The following CDH15 variants were observed in gnomAD, a reference collection of about 807,000 sequenced individuals.
CDH15 encodes cadherin-15.
CDH15 carries 73 observed loss-of-function variants against 69.4 expected under a neutral mutation model. That is an observed-to-expected ratio of 1.05 (90% CI 0.87 to 1.28). CDH15 has a LOEUF of 1.28. CDH15 is among the 50% of genes most tolerant of loss of function. The pLI is 0.00. For missense variants in CDH15, 1,343 were observed against 1,133.6 expected (o/e 1.18, Z -2.65); for synonymous variants, 624 against 507.7 (o/e 1.23, Z -3.08).
At position 89,191,858 on chromosome 16, in the gene CDH15, G is replaced by C. The variant is rs368657478; in HGVS notation, c.1579G>C (p.Glu527Gln). The change falls in exon 10 of 14, where the codon GAG becomes CAG. Residue 527 changes from glutamate to glutamine, a missense_variant. By Grantham distance (29) the Glu-to-Gln change is conservative (BLOSUM62 2). Coordinates refer to ENST00000289746, the MANE Select transcript of CDH15 (RefSeq NM_004933.3). ...FHFQLSPRLP[E>Q]LGRNWSLSQV... ...CTTCCAGCTGAGCCCCAGGCTCCCA[G>C]AGCTCGGCCGGAACTGGAGCCTCAG... 7.8e-5 allele frequency: 124 copies of C among 1,596,836 alleles called. No homozygotes were observed. Among genetic ancestry groups the C allele is most frequent in the Non-Finnish European group, 1.0e-4 (121 of 1,176,858 alleles).
chr16:89,185,280 A>G lies in CDH15; in HGVS notation c.610A>G (p.Ile204Val). ...LQQGSPELFS[I>V]DELTGEIRTV... The stretch of plus-strand genomic sequence containing the variant: ...GCAGGGCAGCCCCGAGCTCTTCAGC[A>G]TCGACGAGCTCACAGGAGAGATCCG... The change falls in exon 5 of 14, where the codon ATC becomes GTC. Residue 204 changes from isoleucine to valine, a missense_variant. Ile to Val is a conservative substitution (Grantham distance 29). Transcript: ENST00000289746. The G allele has an allele frequency of 6.2e-7, 1 of 1,606,508 alleles. No individual in the cohort carries two copies. Among genetic ancestry groups the G allele is most frequent in the East Asian group, 2.2e-5 (1 of 44,632 alleles).
chr16:89,189,321 A>AGATG (rs1915585052), intron 7 of CDH15, among the ~76,000 whole-genome samples: 2 of 141,376 alleles, frequency 1.4e-5, no homozygotes, highest in Admixed American at 6.9e-5. Context: ...CGGCACACAC[A>AGATG]CATGCCGGCA....
Position 89,183,661 on chromosome 16 carries a change from C to T in CDH15, c.471C>T (p.Phe157=), listed in dbSNP as rs1406930741. 7.4e-6 allele frequency: 12 copies of T among 1,611,170 alleles called. No homozygotes were observed. The highest frequency in any genetic ancestry group is 7.6e-6 in the Non-Finnish European group (9 of 1,178,794). The change falls in exon 4 of 14, where the codon TTC becomes TTT. Residue 157 remains phenylalanine, a synonymous_variant. Transcript: ENST00000289746. ...GGCCAGCCTTCCTGCAGGAGGCGTT[C>T]ACTGGCCGCGTGCTGGAGGGTGCAG... ...DNRPAFLQEA[F]TGRVLEGAVP...
At chr16:89,190,080 G>T (rs979031299) in intron 7 of CDH15, among the ~76,000 whole-genome samples, 163 bp from the exon 8 acceptor site, 1 of 152,250 alleles carries the variant, frequency 6.6e-6, no homozygotes, top group South Asian at 2.1e-4. Context: ...AATATTCTTT[G>T]TGCCTTCTTG....
At chr16:89,178,538 C>T (rs1012497004) in intron 1 of CDH15, among the ~76,000 whole-genome samples, 5 of 152,102 alleles carry the variant, frequency 3.3e-5, no homozygotes, top group African/African-American at 1.2e-4. Context: ...CTTGGCTGTG[C>T]AGCCACAACA....
intron 2 of CDH15, among the ~76,000 whole-genome samples, 189 bp from the exon 3 acceptor site, chr16:89,180,011 C>T (rs549675633): frequency 3.9e-5 from 6 of 152,204 alleles, no homozygotes; most frequent in African/African-American, 1.2e-4. Flanking sequence ...AGACGGGGCA[C>T]CCTTGGGGCC....
chr16:89,179,646 A>G, intron 2 of CDH15, 72 bp downstream of exon 2: 1 of 1,453,770 alleles, frequency 6.9e-7, no homozygotes, highest in East Asian at 2.3e-5. Flanking sequence ...TCATTCTCTA[A>G]AGGTCTCCTG....
Position 89,185,273 on chromosome 16 carries a change from C to T in CDH15, c.603C>T (p.Leu201=), listed in dbSNP as rs150272643. The change falls in exon 5 of 14, where the codon CTC becomes CTT. Residue 201 remains leucine, a synonymous_variant. Coordinates refer to ENST00000289746, the MANE Select transcript of CDH15 (RefSeq NM_004933.3). ...FSILQQGSPE[L]FSIDELTGEI... Reference sequence around the variant, plus strand: ...TCCTGCAGCAGGGCAGCCCCGAGCTCTTCAGCATCGACGAGCTCACAGGAG... The same window carrying T: ...TCCTGCAGCAGGGCAGCCCCGAGCTTTTCAGCATCGACGAGCTCACAGGAG... The T allele has an allele frequency of 2.7e-5, 44 of 1,606,460 alleles. No individual in the cohort carries two copies. Among genetic ancestry groups the T allele is most frequent in the African/African-American group, 8.0e-5 (6 of 74,780 alleles).
rs1443355326 is a variant in CDH15, at chr16:89,190,285, T to C, written c.1021T>C (p.Ser341Pro). The change falls in exon 8 of 14, where the codon TCG becomes CCG. Residue 341 changes from serine (S) to proline (P), a missense_variant. Physicochemically the swap from Ser to Pro is moderately conservative, Grantham distance 74 (BLOSUM62 -1). Coordinates refer to ENST00000289746, the MANE Select transcript of CDH15 (RefSeq NM_004933.3). ...ESCEHYELKV[S>P]VQNEAPLQAA... is the part of the protein sequence containing the mutation. ...CTGTGAACACTACGAACTCAAAGTGTCGGTGCAGAATGAGGCCCCGCTGCA... is the reference window on the plus strand; with the variant it reads ...CTGTGAACACTACGAACTCAAAGTGCCGGTGCAGAATGAGGCCCCGCTGCA... The C allele has an allele frequency of 1.2e-6, 2 of 1,612,596 alleles. No individual in the cohort carries two copies. The highest frequency in any genetic ancestry group is 4.5e-5 in the East Asian group (2 of 44,868).
chr16:89,189,345 A>G (rs1163508778), intron 7 of CDH15, among the ~76,000 whole-genome samples: 1 of 144,808 alleles, frequency 6.9e-6, no homozygotes, highest in Non-Finnish European at 1.5e-5. Flanking sequence ...ACAGATGCCC[A>G]CACACAGATG....
intron 4 of CDH15, 75 bp downstream of exon 4, chr16:89,183,767 GC>G: frequency 6.8e-7 from 1 of 1,469,004 alleles, no homozygotes; most frequent in Non-Finnish European, 9.2e-7. Flanking sequence ...CTTCCCTTAA[GC>G]AAGAATTCCA....
chr16:89,191,702 G>T lies in CDH15; in HGVS notation c.1423G>T (p.Glu475Ter). 1 of 1,603,016 alleles carries T rather than the reference G, an allele frequency of 6.2e-7. No homozygotes were observed. ...ATGTLSIEIL[E>*]VNDHAPVLAP... ...CGGCACCCTGTCCATCGAGATCCTGGAGGTGAACGACCATGCACCTGTGCT... is the reference window on the plus strand; with the variant it reads ...CGGCACCCTGTCCATCGAGATCCTGTAGGTGAACGACCATGCACCTGTGCT... Residue 475 changes from glutamate to a stop codon, truncating the protein, a stop_gained, in exon 10 of 14, where the codon GAG (glutamate) becomes TAG (stop). Transcript: ENST00000289746. LOFTEE classifies it high-confidence loss of function.
At chr16:89,193,708 G>T in intron 12 of CDH15, 47 bp from the exon 13 acceptor site, 1 of 1,586,882 alleles carries the variant, frequency 6.3e-7, no homozygotes, top group Non-Finnish European at 8.5e-7. Flanking sequence ...ACCTCCACCA[G>T]GGCCACCCGA....
rs774641201 is a variant in CDH15 at position 89,195,187 on chromosome 16, G to C, written c.*32G>C. The C allele has an allele frequency of 3.9e-6, 6 of 1,540,302 alleles. No homozygotes were observed. The East Asian group carries it at 1.4e-4, about 35-fold the overall frequency. ...GGCGCAACTGGACATGCCACTCCCC[G>C]GCCTCGTGGCAGTGATGGCCCCTGC... On this transcript the variant is annotated 3_prime_UTR_variant, in exon 14 of 14. Coordinates refer to ENST00000289746, the MANE Select transcript of CDH15 (RefSeq NM_004933.3).
At chr16:89,193,717 G>C (rs754704480) in intron 12 of CDH15, 38 bp from the exon 13 acceptor site, 1 of 1,593,626 alleles carries the variant, frequency 6.3e-7, no homozygotes, top group East Asian at 2.3e-5. Context: ...AGGGCCACCC[G>C]AGGGATGCCT....
intron 4 of CDH15, among the ~76,000 whole-genome samples, chr16:89,184,311 G>T (rs1454775094): frequency 6.6e-6 from 1 of 152,194 alleles, no homozygotes; most frequent in African/African-American, 2.4e-5. Context: ...GCTGTCCCGG[G>T]GGGAAGTCAC....
In CDH15 at chr16:89,183,558, T is replaced by C; in HGVS notation, c.368T>C (p.Phe123Ser). The change falls in exon 4 of 14, where the codon TTT becomes TCT. Residue 123 changes from phenylalanine to serine, a missense_variant. By Grantham distance (155) the Phe-to-Ser change is radical. Transcript: ENST00000289746. The part of the protein sequence containing the change: ...EKTDRFRLRA[F>S]ALDLGGSTLE... ...TCTATGTTTGAACAGCTAAGAGCGT[T>C]TGCCCTGGACCTGGGAGGATCCACC... 3 of 1,614,112 alleles carry C rather than the reference T, an allele frequency of 1.9e-6. No homozygotes were observed. Among genetic ancestry groups the C allele is most frequent in the African/African-American group, 1.3e-5 (1 of 75,056 alleles).
intron 8 of CDH15, 143 bp from the exon 9 acceptor site, chr16:89,191,187 A>C: frequency 1.1e-6 from 1 of 890,602 alleles, no homozygotes; most frequent in African/African-American, 1.7e-5. Flanking sequence ...GTGCGTGTGT[A>C]TATGTTGTGT....
At position 89,185,346 on chromosome 16, in the gene CDH15, C is replaced by T. The variant is rs746371615; in HGVS notation, c.663+13C>T. ...GCTGGACCGCGAGGTGAGGTGGCGC[C>T]CCGGCAGCTCCACACCCGCACGGCC... On this transcript the variant is annotated intron_variant, in intron 5 of 13. Transcript: ENST00000289746. The T allele has an allele frequency of 6.3e-7, 1 of 1,588,680 alleles. No individual in the cohort carries two copies. Among genetic ancestry groups the T allele is most frequent in the South Asian group, 1.1e-5 (1 of 87,838 alleles).
Sources: gnomAD v4.1 joint callset for allele counts (sites outside exome capture counted in the v4.1 genomes callset) on GRCh38, gnomAD v4.1.1 for gene constraint, MANE v1.5 for transcripts, NCBI Gene and HGNC (gene_info 2026-07-23, HGNC 2026-07-21) for gene names.